UQCRH: variants seen among roughly 807,000 people sequenced by gnomAD.
The protein encoded by UQCRH is cytochrome b-c1 complex subunit 6, mitochondrial.
UQCRH carries 14 observed loss-of-function variants against 16.3 expected under a neutral mutation model. That is an observed-to-expected ratio of 0.86 (90% CI 0.57 to 1.34). The LOEUF (loss-of-function observed/expected upper bound fraction) is 1.34, where lower values mean the gene tolerates loss of function less well. UQCRH is among the 40% of genes most tolerant of loss of function. The pLI is 0.00. For missense variants in UQCRH, 89 were observed against 111.9 expected, an observed-to-expected ratio of 0.80 and a Z score of 0.92; for synonymous variants, 41 against 41.9, an observed-to-expected ratio of 0.98 and a Z score of 0.08.
At chr1:46,305,608 G>A (rs1661358551) in intron 1 of UQCRH, among the ~76,000 whole-genome samples, 1 of 151,678 alleles carries the variant, frequency 6.6e-6, no homozygotes, top group Non-Finnish European at 1.5e-5. Flanking sequence ...CAAAAAATTA[G>A]CCGGGCGTGG....
chr1:46,304,909 T>G (rs960516547), intron 1 of UQCRH, among the ~76,000 whole-genome samples: 1 of 152,248 alleles, frequency 6.6e-6, no homozygotes, highest in Non-Finnish European at 1.5e-5. Context: ...TCTCATTTCC[T>G]GTCCGTCTGT....
At chr1:46,315,533 G>T (rs1352906503) in intron 3 of UQCRH, among the ~76,000 whole-genome samples, 2 of 145,162 alleles carry the variant, frequency 1.4e-5, no homozygotes, top group East Asian at 4.0e-4. Context: ...GGCGGAGGTT[G>T]CAGTGAGCCA....
chr1:46,311,763 T>G (rs1316011671), intron 3 of UQCRH, among the ~76,000 whole-genome samples: 1 of 149,950 alleles, frequency 6.7e-6, no homozygotes, highest in Non-Finnish European at 1.5e-5. Context: ...CGGCTAATGG[T>G]TTTTTTGTTT....
At chr1:46,315,025 G>T (rs1313123950) in intron 3 of UQCRH, among the ~76,000 whole-genome samples, 6 of 152,152 alleles carry the variant, frequency 3.9e-5, no homozygotes, top group Non-Finnish European at 7.3e-5. Context: ...ATTAAAGTGG[G>T]GCCTTGTGCG....
intron 3 of UQCRH, 57 bp from the exon 4 acceptor site, chr1:46,316,495 G>A (rs1444311424): frequency 4.3e-6 from 7 of 1,611,788 alleles, no homozygotes; most frequent in Non-Finnish European, 5.9e-6. Flanking sequence ...GAAGGACCTT[G>A]TAAGCCATGA....
At position 46,303,714 on chromosome 1, in the gene UQCRH, T is replaced by G. The variant is rs1464491191; in HGVS notation, c.-53T>G. On this transcript the variant is annotated 5_prime_UTR_variant, in exon 1 of 4. Transcript: ENST00000311672. ...TTACAAGTCCTTCTTGATCCTGAAC[T>G]GGGTTAGGTGCCGCTGTTGCTGCTC... 1.2e-6 allele frequency: 2 copies of G among 1,613,412 alleles called. No individual in the cohort carries two copies. The highest frequency in any genetic ancestry group is 1.7e-6 in the Non-Finnish European group (2 of 1,179,704).
chr1:46,314,364 CAAAAAA>C (rs59435183), intron 3 of UQCRH, among the ~76,000 whole-genome samples: 15 of 73,032 alleles, frequency 2.1e-4, no homozygotes, highest in Non-Finnish European at 3.0e-4. Context: ...GACTCCGTCT[CAAAAAA>C]AAAAAAAAAA....
At chr1:46,313,544 G>T (rs1661520611) in intron 3 of UQCRH, among the ~76,000 whole-genome samples, 1 of 152,050 alleles carries the variant, frequency 6.6e-6, no homozygotes, top group African/African-American at 2.4e-5. Context: ...CTGGAGAATG[G>T]CGTGAACCCG....
chr1:46,313,642 CAGATAGATAGATAGATAGAT>C (rs140722553), intron 3 of UQCRH, among the ~76,000 whole-genome samples: 6 of 145,766 alleles, frequency 4.1e-5, no homozygotes, highest in Admixed American at 1.4e-4. Context: ...AAAATATAGA[CAGATAGATAGATAGATAGAT>C]AGATAGATAG....
intron 1 of UQCRH, 83 bp downstream of exon 1, chr1:46,303,903 T>TG (rs1307914371): frequency 1.3e-6 from 2 of 1,577,484 alleles, no homozygotes; most frequent in Non-Finnish European, 1.7e-6. Context: ...GGGGCCCTCT[T>TG]AGCCCCCAGT....
At chr1:46,309,154 ATC>A in intron 2 of UQCRH, 27 bp downstream of exon 2, 7 of 1,606,192 alleles carry the variant, frequency 4.4e-6, no homozygotes, top group Non-Finnish European at 5.9e-6. Flanking sequence ...GTTTGGAAAC[ATC>A]TCAGTAAAAG....
chr1:46,306,097 A>G (rs1661368588), intron 1 of UQCRH, among the ~76,000 whole-genome samples: 1 of 151,916 alleles, frequency 6.6e-6, no homozygotes, highest in Non-Finnish European at 1.5e-5. Context: ...CGGCTGAGGA[A>G]CGCAAAATTA....
chr1:46,316,138 C>T (rs891244935), intron 3 of UQCRH, among the ~76,000 whole-genome samples: 1 of 152,152 alleles, frequency 6.6e-6, no homozygotes, highest in African/African-American at 2.4e-5. Context: ...CATTTTAACT[C>T]ATTACCCTGT....
At position 46,312,455 on chromosome 1, in the gene UQCRH, T is replaced by C. The variant is rs546821936; in HGVS notation, c.243+2139T>C. On this transcript the variant is annotated intron_variant, in intron 3 of 3. Transcript: ENST00000311672. ...TTGTAGAGATGGGATTTTGCCGTGT[T>C]GCCCAGGCTGGTCTAGAACTCCTGG... 2.6e-5 allele frequency among the ~76,000 whole-genome samples: 4 copies of C among 152,118 alleles called. No individual in the cohort carries two copies. In the South Asian group the frequency reaches 8.3e-4, roughly 32 times the overall value.
intron 2 of UQCRH, 88 bp from the exon 3 acceptor site, chr1:46,310,067 G>C: frequency 6.3e-7 from 1 of 1,583,216 alleles, no homozygotes; most frequent in Non-Finnish European, 8.6e-7. Context: ...CAGCACCTTG[G>C]TTTGGTGGTT....
intron 2 of UQCRH, 64 bp from the exon 3 acceptor site, chr1:46,310,091 C>T (rs377320236): frequency 3.7e-6 from 6 of 1,607,450 alleles, no homozygotes; most frequent in East Asian, 2.2e-5. Flanking sequence ...TTAATCAAAG[C>T]ATATGTGTTT....
At chr1:46,309,184 G>A (rs1365591712) in intron 2 of UQCRH, 57 bp downstream of exon 2, 5 of 1,582,530 alleles carry the variant, frequency 3.2e-6, no homozygotes, top group Admixed American at 1.9e-5. Flanking sequence ...TGAGCTTCAT[G>A]AAATTCTAAG....
chr1:46,303,982 A>C (rs181119283), intron 1 of UQCRH, among the ~76,000 whole-genome samples, 162 bp downstream of exon 1: 6 of 152,300 alleles, frequency 3.9e-5, no homozygotes, highest in African/African-American at 1.4e-4. Flanking sequence ...TCGTCCGGTG[A>C]CTTTGGACAG....
At chr1:46,311,938 T>G (rs960029774) in intron 3 of UQCRH, among the ~76,000 whole-genome samples, 1 of 150,200 alleles carries the variant, frequency 6.7e-6, no homozygotes, top group African/African-American at 2.5e-5. Context: ...CTTTTTTTTT[T>G]TTTTTGAGAT....
Sources: allele counts gnomAD v4.1 joint callset (sites outside exome capture counted in the v4.1 genomes callset), GRCh38; gene constraint gnomAD v4.1.1; transcripts MANE v1.5; gene names NCBI Gene and HGNC (gene_info 2026-07-23, HGNC 2026-07-21).